LPIN2: variants seen among roughly 807,000 people sequenced by gnomAD.
LPIN2 encodes the protein lipin 2.
LPIN2 carries 55 observed loss-of-function variants against 111.4 expected under a neutral mutation model. That is an observed-to-expected ratio of 0.49 (90% CI 0.40 to 0.62). The LOEUF (loss-of-function observed/expected upper bound fraction) is 0.62, where lower values mean the gene tolerates loss of function less well. Ranked by LOEUF, LPIN2 falls within the 20% of genes least tolerant of loss-of-function variation. LPIN2 has a pLI of 0.00. For synonymous variants in LPIN2, 425 were observed against 414.0 expected (o/e 1.03, Z -0.32); for missense variants, 992 against 1,112.1 (o/e 0.89, Z 1.54).
rs189223909 is a variant in LPIN2, at chr18:2,961,893, T to G, written c.-9-1044A>C. Among the ~76,000 whole-genome samples the G allele has an allele frequency of 1.4e-4, 21 of 152,338 alleles. No homozygotes were observed. In the East Asian group the frequency reaches 3.7e-3, roughly 27 times the overall value. Reference sequence around the variant, plus strand: ...GCCAACTTTCACCCAACCACAGGACTGACTGACTGCTCTCCAGGCTGTCTG... The same window carrying G: ...GCCAACTTTCACCCAACCACAGGACGGACTGACTGCTCTCCAGGCTGTCTG... On this transcript the variant is annotated intron_variant, in intron 1 of 19. Transcript: ENST00000677752.
Position 2,919,051 on chromosome 18 carries a change from G to A in LPIN2, c.*1242C>T, listed in dbSNP as rs2077010226. Reference sequence around the variant, plus strand: ...CACTCAGCATACCAAAAGCTCTGGAGCAGCTTATGGCACACCTTTCCCTGG... The same window carrying A: ...CACTCAGCATACCAAAAGCTCTGGAACAGCTTATGGCACACCTTTCCCTGG... On this transcript the variant is annotated 3_prime_UTR_variant, in exon 20 of 20. Coordinates refer to ENST00000677752, the MANE Select transcript of LPIN2 (RefSeq NM_001375808.2). The A allele has an allele frequency of 6.6e-6, 1 of 152,194 alleles. No homozygotes were observed. The highest frequency in any genetic ancestry group is 2.4e-5 in the African/African-American group (1 of 41,450). The allele number at this position is 152,194 out of a possible 1,614,324, so 9.4% of individuals were successfully genotyped here.
At chr18:2,923,576 ACT>A in intron 16 of LPIN2, among the ~76,000 whole-genome samples, 197 bp downstream of exon 16, 1 of 152,210 alleles carries the variant, frequency 6.6e-6, no homozygotes, top group East Asian at 1.9e-4. Flanking sequence ...GTGAGGATTA[ACT>A]GAGATGACAC....
intron 3 of LPIN2, among the ~76,000 whole-genome samples, chr18:2,951,594 G>A (rs1391250151): frequency 6.6e-6 from 1 of 152,124 alleles, no homozygotes; most frequent in Non-Finnish European, 1.5e-5. Context: ...TCCATCTGAA[G>A]GAACTGACAT....
chr18:2,985,536 C>G (rs1444155789), intron 1 of LPIN2: 2 of 151,892 alleles, frequency 1.3e-5, no homozygotes, highest in Non-Finnish European at 2.9e-5. Context: ...GGAAACAAAG[C>G]TAAAATGCTA....
intron 7 of LPIN2, among the ~76,000 whole-genome samples, chr18:2,936,068 C>T (rs1460429201): frequency 6.6e-6 from 1 of 152,188 alleles, no homozygotes; most frequent in Non-Finnish European, 1.5e-5. Flanking sequence ...AGTTAAGCCA[C>T]CATTCGCTAG....
chr18:3,005,058 G>A (rs1219636628), intron 1 of LPIN2, among the ~76,000 whole-genome samples: 2 of 152,170 alleles, frequency 1.3e-5, no homozygotes, highest in African/African-American at 2.4e-5. Context: ...CATCTATAAA[G>A]AAAAGCTTCA....
At chr18:2,924,224 T>C (rs1328987490) in intron 15 of LPIN2, among the ~76,000 whole-genome samples, 174 bp downstream of exon 15, 2 of 152,202 alleles carry the variant, frequency 1.3e-5, no homozygotes, top group South Asian at 2.1e-4. Context: ...ATCTCCTCCA[T>C]GCAAAAAAAT....
At chr18:2,929,477 CAG>C (rs1190014206) in intron 9 of LPIN2, among the ~76,000 whole-genome samples, 1 of 151,896 alleles carries the variant, frequency 6.6e-6, no homozygotes, top group African/African-American at 2.4e-5. Flanking sequence ...GAAAGACAGA[CAG>C]ACACACACAC....
chr18:2,974,233 C>T (rs1305378423), intron 1 of LPIN2, among the ~76,000 whole-genome samples: 3 of 152,108 alleles, frequency 2.0e-5, no homozygotes, highest in Admixed American at 6.5e-5. Flanking sequence ...CCTGCCACCA[C>T]GCCCAGCTAA....
chr18:2,933,392 C>T (rs1367494537), intron 8 of LPIN2, among the ~76,000 whole-genome samples: 1 of 152,074 alleles, frequency 6.6e-6, no homozygotes, highest in Non-Finnish European at 1.5e-5. Context: ...AGTGGTAATT[C>T]TATGACAGCT....
rs181499682 is a variant in LPIN2 at position 2,937,130 on chromosome 18, C to A, written c.1168+562G>T. Among the ~76,000 whole-genome samples, 579 of 152,196 alleles carry A rather than the reference C, an allele frequency of 3.8e-3. 2 individuals carry two copies. The highest frequency in any genetic ancestry group is 6.1e-3 in the Non-Finnish European group (415 of 68,002). ...TTGATTACAACTCATTATTTGTTTTCTCAGTAAATGCTTCTCAAGAACCCA... is the reference window on the plus strand; with the variant it reads ...TTGATTACAACTCATTATTTGTTTTATCAGTAAATGCTTCTCAAGAACCCA... On this transcript the variant is annotated intron_variant, in intron 7 of 19. Transcript: ENST00000677752.
Position 2,941,234 on chromosome 18 carries a change from A to G in LPIN2, c.591-522T>C, listed in dbSNP as rs532941697. ...ACAAGATCTATGGCTCAAAATTTTA[A>G]CAATACCCTAACCTCTTAAAACCTT... On this transcript the variant is annotated intron_variant, in intron 4 of 19. Coordinates refer to ENST00000677752, the MANE Select transcript of LPIN2 (RefSeq NM_001375808.2). Among the ~76,000 whole-genome samples the G allele has an allele frequency of 2.6e-5, 4 of 152,350 alleles. No individual in the cohort carries two copies. The South Asian group carries it at 8.3e-4, about 32-fold the overall frequency.
Position 2,946,633 on chromosome 18 carries a change from A to C in LPIN2, c.590+4422T>G, listed in dbSNP as rs2077456449. ...TTGCTAGCACCAGTCTCCATACCTCAGTTTTTTAAAGTGAGAAAAAAATCA... is the reference window on the plus strand; with the variant it reads ...TTGCTAGCACCAGTCTCCATACCTCCGTTTTTTAAAGTGAGAAAAAAATCA... On this transcript the variant is annotated intron_variant, in intron 4 of 19. Transcript: ENST00000677752. 1.0e-5 allele frequency: 7 copies of C among 676,094 alleles called. No homozygotes were observed. The Admixed American group carries it at 1.9e-4, about 18-fold the overall frequency. 41.9% of individuals were successfully genotyped at this position (676,094 alleles called of 1,614,324 possible). A position where few individuals can be genotyped will look rare whatever the true frequency, so the allele number is the denominator to read the frequency against.
chr18:2,988,155 T>A (rs1352127334), intron 1 of LPIN2, among the ~76,000 whole-genome samples: 2 of 151,722 alleles, frequency 1.3e-5, no homozygotes, highest in African/African-American at 4.8e-5. Flanking sequence ...TGTGGTCAGC[T>A]CTCTCTCCAA....
intron 1 of LPIN2, chr18:2,972,457 T>C (rs1166385591): frequency 3.3e-5 from 5 of 152,220 alleles, no homozygotes; most frequent in African/African-American, 1.2e-4. Flanking sequence ...ACTAGTCAGC[T>C]GACTTTTACG....
chr18:2,945,379 G>A (rs2077435020), intron 4 of LPIN2, among the ~76,000 whole-genome samples: 1 of 152,180 alleles, frequency 6.6e-6, no homozygotes, highest in African/African-American at 2.4e-5. Context: ...AGAAAGATGA[G>A]AGGCACAAAA....
intron 2 of LPIN2, among the ~76,000 whole-genome samples, chr18:2,956,966 C>A (rs540386987): frequency 3.3e-5 from 5 of 152,316 alleles, no homozygotes. Flanking sequence ...TTTGAGAGAA[C>A]ACCAAGTTGG....
At chr18:2,942,863 G>C (rs547304959) in intron 4 of LPIN2, among the ~76,000 whole-genome samples, 1 of 152,268 alleles carries the variant, frequency 6.6e-6, no homozygotes, top group Non-Finnish European at 1.5e-5. Context: ...TGAGGCTATA[G>C]TGGAGCGTAC....
At chr18:2,984,003 A>G (rs554103620) in intron 1 of LPIN2, among the ~76,000 whole-genome samples, 29 of 152,306 alleles carry the variant, frequency 1.9e-4, no homozygotes, top group African/African-American at 6.5e-4. Flanking sequence ...GTATTTAGTT[A>G]ATTCATCAAC....
Sources: gnomAD v4.1 joint callset for allele counts (sites outside exome capture counted in the v4.1 genomes callset) on GRCh38, gnomAD v4.1.1 for gene constraint, MANE v1.5 for transcripts, NCBI Gene and HGNC (gene_info 2026-07-23, HGNC 2026-07-21) for gene names.